The following M1AP variants were observed in gnomAD, a reference collection of about 807,000 sequenced individuals.
The protein encoded by M1AP is meiosis 1 associated protein, also known as meiosis 1 arrest protein.
In M1AP, 39 loss-of-function variants were observed where a neutral mutation model predicts 51.2. The ratio of observed to expected loss-of-function variants is 0.76; its 90% CI spans 0.59 to 1.00. M1AP has a LOEUF of 1.00. M1AP is among the 50% of genes least tolerant of loss of function. The pLI, the probability that M1AP is intolerant of heterozygous loss-of-function variation, is 0.00. For missense variants in M1AP, 545 were observed against 641.2 expected (o/e 0.85, Z 1.62); for synonymous variants, 251 against 249.2 (o/e 1.01, Z -0.07).
chr2:74,620,291 T>C (rs958881265), intron 2 of M1AP, among the ~76,000 whole-genome samples: 3 of 152,170 alleles, frequency 2.0e-5, no homozygotes, highest in Non-Finnish European at 2.9e-5. Flanking sequence ...AAGAAAGCAA[T>C]GCCAAGGACT....
In M1AP at chr2:74,560,535, T is replaced by C. The variant is rs181767180; in HGVS notation, c.1282-244A>G. Among the ~76,000 whole-genome samples the C allele has an allele frequency of 8.5e-5, 13 of 152,214 alleles. No homozygotes were observed. The East Asian group carries it at 2.3e-3, about 27-fold the overall frequency. The stretch of plus-strand genomic sequence containing the variant: ...CTAAGTGGTTAGGAACACTGAACAC[T>C]CTGGCCCCAAGATGCATGTCCAGGG... On this transcript the variant is annotated intron_variant, in intron 8 of 10. Coordinates refer to ENST00000421985, the MANE Select transcript of M1AP (RefSeq NM_001321739.2).
chr2:74,622,543 C>CTT lies in M1AP; in HGVS notation c.241-7396_241-7395dup, dbSNP rs534273779. On this transcript the variant is annotated intron_variant, in intron 2 of 10. Coordinates refer to ENST00000421985, the MANE Select transcript of M1AP (RefSeq NM_001321739.2). ...AGCCACCGCGCCCGGCCATTGCCTG[C>CTT]TTTTTTTTTTTTTTTTTTTTCTATT... Among the ~76,000 whole-genome samples, 627 of 117,284 alleles carry CTT rather than the reference C, an allele frequency of 5.3e-3. 17 individuals are homozygous for CTT. The highest frequency in any genetic ancestry group is 0.019 in the African/African-American group (577 of 30,908). 76.9% of individuals were successfully genotyped at this position (117,284 alleles called of 152,430 possible). A position where few individuals can be genotyped will look rare whatever the true frequency, so the allele number is the denominator to read the frequency against.
chr2:74,619,126 G>T, intron 2 of M1AP: 1 of 288,886 alleles, frequency 3.5e-6, no homozygotes, highest in East Asian at 9.3e-5. Flanking sequence ...AGACGGCACA[G>T]GTTCCAGGTC....
In M1AP at chr2:74,615,094, A is replaced by T; in HGVS notation, c.296T>A (p.Leu99Ter). The change falls in exon 3 of 11, where the codon TTA becomes TAA. Residue 99 changes from leucine to a stop codon, truncating the protein, a stop_gained. Transcript: ENST00000421985. LOFTEE classifies it high-confidence loss of function. ...TGATCTGAAACACCCTTCTCTCTGT[A>T]ACATGCGGAGTTCTGAGATGCAGGT... The part of the protein sequence containing the change: ...LQTCISELRM[L>*]QREGCFRSQG... The T allele has an allele frequency of 1.2e-6, 2 of 1,614,196 alleles. No individual in the cohort carries two copies. Among genetic ancestry groups the T allele is most frequent in the Non-Finnish European group, 8.5e-7 (1 of 1,180,012 alleles).
chr2:74,577,660 T>C (rs1044180809), intron 5 of M1AP, among the ~76,000 whole-genome samples: 8 of 152,266 alleles, frequency 5.3e-5, no homozygotes, highest in African/African-American at 1.2e-4. Context: ...ACATTAGACA[T>C]TGTGAATAAG....
intron 4 of M1AP, among the ~76,000 whole-genome samples, chr2:74,602,050 T>C (rs1680706514): frequency 6.6e-6 from 1 of 152,210 alleles, no homozygotes; most frequent in Non-Finnish European, 1.5e-5. Context: ...ATCATGGCTA[T>C]TGGAGTAAAA....
chr2:74,600,218 GT>G (rs1248637720), intron 4 of M1AP, among the ~76,000 whole-genome samples: 7 of 152,198 alleles, frequency 4.6e-5, no homozygotes, highest in Middle Eastern at 3.4e-3. Context: ...ATATGCCTTA[GT>G]TTTTTCATCT....
rs199561260 is a variant in M1AP, at chr2:74,623,517, A to G, written c.241-8368T>C. Among the ~76,000 whole-genome samples, 112 of 149,046 alleles carry G rather than the reference A, an allele frequency of 7.5e-4. 1 individual carries two copies. Among genetic ancestry groups the G allele is most frequent in the Middle Eastern group, 7.0e-3 (2 of 284 alleles). On this transcript the variant is annotated intron_variant, in intron 2 of 10. Coordinates refer to ENST00000421985, the MANE Select transcript of M1AP (RefSeq NM_001321739.2). ...GACTCTGTCTATAAAAAAAAAAAAAAAGAGAGAGAGAGAGTTTGAGGCATT... is the reference window on the plus strand; with the variant it reads ...GACTCTGTCTATAAAAAAAAAAAAAGAGAGAGAGAGAGAGTTTGAGGCATT...
chr2:74,603,425 A>G (rs748635989), intron 4 of M1AP, among the ~76,000 whole-genome samples: 7 of 152,236 alleles, frequency 4.6e-5, no homozygotes, highest in Non-Finnish European at 8.8e-5. Flanking sequence ...TCTACATGCT[A>G]TATAATTAAG....
At chr2:74,562,961 G>A (rs1453926421) in intron 7 of M1AP, among the ~76,000 whole-genome samples, 5 of 152,166 alleles carry the variant, frequency 3.3e-5, no homozygotes, top group Admixed American at 2.6e-4. Flanking sequence ...ACCAAGACTT[G>A]TATGGGGTGT....
At chr2:74,596,237 A>G (rs1022971664) in intron 4 of M1AP, among the ~76,000 whole-genome samples, 1 of 152,204 alleles carries the variant, frequency 6.6e-6, no homozygotes, top group African/African-American at 2.4e-5. Flanking sequence ...GACTTTAAGT[A>G]TAAAGACATA....
At chr2:74,570,807 C>T (rs1217749635) in intron 7 of M1AP, among the ~76,000 whole-genome samples, 1 of 151,796 alleles carries the variant, frequency 6.6e-6, no homozygotes. Flanking sequence ...TATGGATAAA[C>T]AATAGTAAGC....
chr2:74,596,135 A>G (rs1350655753), intron 4 of M1AP, among the ~76,000 whole-genome samples: 1 of 152,216 alleles, frequency 6.6e-6, no homozygotes, highest in Non-Finnish European at 1.5e-5. Context: ...ATGTATGGTA[A>G]ATGTTAATGG....
intron 4 of M1AP, among the ~76,000 whole-genome samples, chr2:74,606,362 T>C (rs371484011): frequency 2.0e-5 from 3 of 152,234 alleles, no homozygotes; most frequent in Non-Finnish European, 2.9e-5. Flanking sequence ...AGTCTGTTCA[T>C]ACAGCACTGT....
intron 4 of M1AP, among the ~76,000 whole-genome samples, chr2:74,590,439 G>GGGGGGC (rs1679975222): frequency 6.6e-6 from 1 of 151,902 alleles, no homozygotes; most frequent in African/African-American, 2.4e-5. Flanking sequence ...TGAATTTTAG[G>GGGGGGC]GGGGGCGGGG....
At chr2:74,567,656 A>C (rs944368065) in intron 7 of M1AP, among the ~76,000 whole-genome samples, 1 of 152,262 alleles carries the variant, frequency 6.6e-6, no homozygotes, top group Non-Finnish European at 1.5e-5. Context: ...TCAAAATGAA[A>C]ACTACATTTA....
At chr2:74,603,581 T>C (rs935345529) in intron 4 of M1AP, among the ~76,000 whole-genome samples, 3 of 151,966 alleles carry the variant, frequency 2.0e-5, no homozygotes, top group Non-Finnish European at 2.9e-5. Context: ...TGGAAGAGAA[T>C]AGAGGAAGGA....
At chr2:74,577,757 C>A (rs534420905) in intron 5 of M1AP, among the ~76,000 whole-genome samples, 1 of 152,166 alleles carries the variant, frequency 6.6e-6, no homozygotes, top group Non-Finnish European at 1.5e-5. Flanking sequence ...AGGACTCCAG[C>A]TTCCTCTTAT....
intron 4 of M1AP, among the ~76,000 whole-genome samples, chr2:74,593,957 G>C (rs995556535): frequency 3.3e-5 from 5 of 152,202 alleles, no homozygotes; most frequent in Admixed American, 6.5e-5. Context: ...TGAAAGGAGA[G>C]AGCCAGAGCC....
Sources: allele counts gnomAD v4.1 joint callset (sites outside exome capture counted in the v4.1 genomes callset), GRCh38; gene constraint gnomAD v4.1.1; transcripts MANE v1.5; gene names NCBI Gene and HGNC (gene_info 2026-07-23, HGNC 2026-07-21).